The following TSHR variants were observed in gnomAD, a reference collection of about 807,000 sequenced individuals.
TSHR encodes the protein thyrotropin receptor.
TSHR carries 51 observed loss-of-function variants against 64.1 expected under a neutral mutation model. The observed-to-expected ratio is 0.80, with a 90% confidence interval of 0.64 to 1.01. TSHR has a LOEUF of 1.01. TSHR is among the 50% of genes least tolerant of loss of function. TSHR has a pLI of 0.00. For missense variants in TSHR, 877 were observed against 942.8 expected, an observed-to-expected ratio of 0.93 and a Z score of 0.91; for synonymous variants, 361 against 361.9, an observed-to-expected ratio of 1.00 and a Z score of 0.03.
At chr14:80,999,926 CTT>C (rs887541689) in intron 1 of TSHR, among the ~76,000 whole-genome samples, 6 of 142,872 alleles carry the variant, frequency 4.2e-5, no homozygotes, top group African/African-American at 1.6e-4. Flanking sequence ...AATTTTTTTT[CTT>C]TTTTTTCTTT....
intron 8 of TSHR, among the ~76,000 whole-genome samples, chr14:81,119,946 G>A (rs56097057): frequency 1.3e-4 from 14 of 109,444 alleles, no homozygotes; most frequent in African/African-American, 4.8e-4. Context: ...ACCAAACACC[G>A]CATATTCTCA....
intron 1 of TSHR, among the ~76,000 whole-genome samples, chr14:81,000,948 C>A (rs1566756771): frequency 6.6e-6 from 1 of 152,084 alleles, no homozygotes. Context: ...CCTGCAGATG[C>A]TGCCTGTGGG....
chr14:80,986,296 T>TA (rs1196909796), intron 1 of TSHR, among the ~76,000 whole-genome samples: 2 of 152,102 alleles, frequency 1.3e-5, no homozygotes, highest in African/African-American at 4.8e-5. Context: ...AGAGAGCTGG[T>TA]AAAAAATACA....
chr14:81,125,652 C>T (rs1277558726), intron 8 of TSHR, among the ~76,000 whole-genome samples: 1 of 152,082 alleles, frequency 6.6e-6, no homozygotes, highest in African/African-American at 2.4e-5. Flanking sequence ...CCAAGTGAAG[C>T]TCTTGGTGCA....
intron 1 of TSHR, among the ~76,000 whole-genome samples, chr14:81,034,301 T>G (rs556649874): frequency 1.3e-5 from 2 of 152,322 alleles, no homozygotes; most frequent in Admixed American, 1.3e-4. Context: ...ATTTTATGTC[T>G]GAATGCTCTT....
chr14:81,128,696 T>C (rs1290675518), intron 8 of TSHR, among the ~76,000 whole-genome samples: 1 of 152,156 alleles, frequency 6.6e-6, no homozygotes, highest in East Asian at 1.9e-4. Flanking sequence ...TGTTCCCACC[T>C]TAGGGGTTGG....
intron 1 of TSHR, among the ~76,000 whole-genome samples, chr14:81,039,846 T>G (rs1338607535): frequency 6.6e-6 from 1 of 151,954 alleles, no homozygotes; most frequent in African/African-American, 2.4e-5. Context: ...TAAAGATATC[T>G]TGAGTTCATT....
chr14:81,097,059 T>C (rs1889253917), intron 7 of TSHR, among the ~76,000 whole-genome samples: 1 of 152,176 alleles, frequency 6.6e-6, no homozygotes, highest in African/African-American at 2.4e-5. Context: ...TGACATGTTT[T>C]TGGGAAAGAT....
intron 8 of TSHR, among the ~76,000 whole-genome samples, chr14:81,110,122 C>A (rs1345246802): frequency 1.3e-5 from 2 of 152,134 alleles, no homozygotes; most frequent in East Asian, 3.8e-4. Flanking sequence ...CATAAAAATT[C>A]TGTTTGGTTC....
At chr14:81,054,743 A>G (rs1399831434) in intron 1 of TSHR, among the ~76,000 whole-genome samples, 2 of 152,146 alleles carry the variant, frequency 1.3e-5, no homozygotes, top group African/African-American at 4.8e-5. Flanking sequence ...ATATATCTCT[A>G]TATATCTGGT....
At chr14:81,097,296 G>C (rs1889270233) in intron 7 of TSHR, among the ~76,000 whole-genome samples, 1 of 151,530 alleles carries the variant, frequency 6.6e-6, no homozygotes, top group Admixed American at 6.6e-5. Context: ...ATTTTTGCTA[G>C]TGTCTTGTTA....
At chr14:81,017,829 C>CT (rs58604814) in intron 1 of TSHR, among the ~76,000 whole-genome samples, 14,351 of 137,042 alleles carry the variant, frequency 0.1, 2,453 homozygotes, top group African/African-American at 0.36. Flanking sequence ...ATTGTATAAT[C>CT]TTTTTTTTTT....
chr14:80,968,015 T>G (rs1000958498), intron 1 of TSHR, among the ~76,000 whole-genome samples: 7 of 152,202 alleles, frequency 4.6e-5, no homozygotes, highest in Admixed American at 3.9e-4. Context: ...CATCAGTTCT[T>G]GGCTCCCATG....
intron 1 of TSHR, among the ~76,000 whole-genome samples, chr14:81,024,333 C>T (rs1368120008): frequency 1.3e-5 from 2 of 152,100 alleles, no homozygotes; most frequent in Non-Finnish European, 2.9e-5. Flanking sequence ...ACTGCAACCT[C>T]CACCTTCCGG....
At chr14:80,977,433 T>C (rs1887937866) in intron 1 of TSHR, among the ~76,000 whole-genome samples, 1 of 152,204 alleles carries the variant, frequency 6.6e-6, no homozygotes, top group Non-Finnish European at 1.5e-5. Context: ...TCTACAGAGC[T>C]CAGCTCACAA....
intron 1 of TSHR, among the ~76,000 whole-genome samples, chr14:80,973,514 G>A (rs1337907324): frequency 6.6e-6 from 1 of 151,490 alleles, no homozygotes; most frequent in Non-Finnish European, 1.5e-5. Context: ...TCTTGTGAAG[G>A]AGGCTGTTTC....
intron 1 of TSHR, among the ~76,000 whole-genome samples, chr14:81,002,479 T>C (rs1889372245): frequency 6.6e-6 from 1 of 152,214 alleles, no homozygotes; most frequent in Admixed American, 6.5e-5. Flanking sequence ...ATTGAGTTAA[T>C]CTATGTAAAG....
intron 8 of TSHR, among the ~76,000 whole-genome samples, chr14:81,114,494 C>T (rs376242662): frequency 6.6e-6 from 1 of 152,124 alleles, no homozygotes; most frequent in Non-Finnish European, 1.5e-5. Flanking sequence ...CGGCGCACCA[C>T]GAGATTATAT....
chr14:81,085,604 C>T (rs1020019195), intron 3 of TSHR, among the ~76,000 whole-genome samples: 2 of 152,128 alleles, frequency 1.3e-5, no homozygotes, highest in African/African-American at 4.8e-5. Context: ...CATTTCATTT[C>T]CCTTTTATTC....
Sources: gnomAD v4.1 joint callset for allele counts (sites outside exome capture counted in the v4.1 genomes callset) on GRCh38, gnomAD v4.1.1 for gene constraint, MANE v1.5 for transcripts, NCBI Gene and HGNC (gene_info 2026-07-23, HGNC 2026-07-21) for gene names.